The following CALN1 variants were observed in gnomAD, a reference collection of about 807,000 sequenced individuals.
The protein encoded by CALN1 is calcium-binding protein 8.
A neutral mutation model predicts 30.6 loss-of-function variants in CALN1; 17 were observed. That is an observed-to-expected ratio of 0.56 (90% CI 0.38 to 0.83). The LOEUF (loss-of-function observed/expected upper bound fraction) is 0.83. Ranked by LOEUF, CALN1 falls within the 40% of genes least tolerant of loss-of-function variation. The pLI is 0.00. For synonymous variants in CALN1, 156 were observed against 131.4 expected (o/e 1.19, Z -1.28); for missense variants, 291 against 354.9 (o/e 0.82, Z 1.45).
At chr7:72,392,465 T>A (rs1361961806) in intron 2 of CALN1, among the ~76,000 whole-genome samples, 1 of 152,254 alleles carries the variant, frequency 6.6e-6, no homozygotes, top group East Asian at 1.9e-4. Context: ...ACGGTGCTGA[T>A]GGGAGAGACT....
At chr7:72,280,771 G>A (rs1382621515) in intron 2 of CALN1, among the ~76,000 whole-genome samples, 1 of 152,158 alleles carries the variant, frequency 6.6e-6, no homozygotes, top group Non-Finnish European at 1.5e-5. Context: ...CCTTTAAGAG[G>A]TGATTAGGTC....
At chr7:72,255,365 G>GTTATAA (rs1554339372) in intron 3 of CALN1, among the ~76,000 whole-genome samples, 5 of 151,292 alleles carry the variant, frequency 3.3e-5, no homozygotes, top group African/African-American at 4.9e-5. Context: ...TGGGATTATA[G>GTTATAA]GGGTGAGCCA....
chr7:72,280,815 T>C (rs1006428424), intron 2 of CALN1, among the ~76,000 whole-genome samples: 3 of 152,180 alleles, frequency 2.0e-5, no homozygotes, highest in African/African-American at 4.8e-5. Context: ...ATTGCAGGCA[T>C]AGGTTACCTA....
intron 1 of CALN1, among the ~76,000 whole-genome samples, chr7:72,437,254 A>G (rs988106919): frequency 1.3e-5 from 2 of 152,110 alleles, no homozygotes; most frequent in Admixed American, 6.5e-5. Context: ...CTTGCCAGGA[A>G]ATCATGGGCC....
At chr7:72,483,840 T>C in the CALN1 span, among the ~76,000 whole-genome samples, 3 of 152,190 alleles carry the variant, frequency 2.0e-5, no homozygotes, top group African/African-American at 4.8e-5. Context: ...TCAAGTTCAC[T>C]AATCTTTTAT....
intron 1 of CALN1, among the ~76,000 whole-genome samples, chr7:72,440,213 T>A (rs1808306293): frequency 6.6e-6 from 1 of 152,188 alleles, no homozygotes; most frequent in Admixed American, 6.5e-5. Flanking sequence ...GCAGACCATG[T>A]CCTATTTCTT....
chr7:72,408,463 G>A (rs79936405), intron 1 of CALN1, among the ~76,000 whole-genome samples: 20 of 151,768 alleles, frequency 1.3e-4, no homozygotes, highest in African/African-American at 4.6e-4. Context: ...CACACACACA[G>A]AGATAATAAA....
intron 2 of CALN1, among the ~76,000 whole-genome samples, chr7:72,322,911 T>C (rs951095779): frequency 1.3e-5 from 2 of 151,618 alleles, no homozygotes; most frequent in Admixed American, 6.6e-5. Context: ...AAATATCTCA[T>C]GTACCCTATA....
intron 3 of CALN1, among the ~76,000 whole-genome samples, chr7:72,262,797 C>T (rs1033285151): frequency 6.6e-6 from 1 of 152,194 alleles, no homozygotes; most frequent in African/African-American, 2.4e-5. Flanking sequence ...TTATTGGTTC[C>T]TCTTCCCTCT....
chr7:72,451,363 GA>G (rs1234679915), upstream of CALN1, among the ~76,000 whole-genome samples: 1 of 123,412 alleles, frequency 8.1e-6, no homozygotes, highest in Non-Finnish European at 1.6e-5. Context: ...AGAAAAAGTA[GA>G]AAAAATAAGA....
At chr7:72,467,244 AGCT>A in the CALN1 span, among the ~76,000 whole-genome samples, 1 of 152,126 alleles carries the variant, frequency 6.6e-6, no homozygotes, top group Admixed American at 6.6e-5. Context: ...CTTTCCCTGG[AGCT>A]GCCAAAGAGG....
chr7:72,180,525 T>C (rs1789690185), intron 3 of CALN1, among the ~76,000 whole-genome samples: 1 of 132,084 alleles, frequency 7.6e-6, no homozygotes, highest in Admixed American at 7.6e-5. Context: ...GAAGGTGTCC[T>C]TTTTTTTTTT....
chr7:72,120,936 T>G (rs1412651129), intron 3 of CALN1, among the ~76,000 whole-genome samples: 2 of 151,722 alleles, frequency 1.3e-5, no homozygotes, highest in Non-Finnish European at 2.9e-5. Context: ...CAGGACTCAG[T>G]GAGGGGAAAA....
Position 72,401,371 on chromosome 7 carries a change from G to A in CALN1, c.119+1880C>T, listed in dbSNP as rs147067499. Among the ~76,000 whole-genome samples, 120 of 152,056 alleles carry A rather than the reference G, an allele frequency of 7.9e-4. No homozygotes were observed. In the East Asian group the frequency reaches 0.015, roughly 19 times the overall value. ...AGATCTCCCTCCTCTGGCCCCACCC[G>A]ATCCCCTGCTTTTTGGCTTTCTCTC... is the stretch of plus-strand genomic sequence containing the variant. On this transcript the variant is annotated intron_variant, in intron 2 of 6. Coordinates refer to ENST00000395275, the MANE Select transcript of CALN1 (RefSeq NM_031468.4).
intron 1 of CALN1, among the ~76,000 whole-genome samples, chr7:72,440,857 A>C (rs1381013588): frequency 6.6e-6 from 1 of 152,188 alleles, no homozygotes; most frequent in African/African-American, 2.4e-5. Context: ...ATACCATAGA[A>C]TCTTATGACC....
intron 5 of CALN1, among the ~76,000 whole-genome samples, chr7:71,829,226 G>A (rs1789115618): frequency 2.0e-5 from 3 of 152,160 alleles, no homozygotes; most frequent in African/African-American, 4.8e-5. Context: ...AACCCTAAAT[G>A]TAATCATGTA....
chr7:72,414,195 T>C (rs1807350654), upstream of CALN1, among the ~76,000 whole-genome samples: 1 of 152,088 alleles, frequency 6.6e-6, no homozygotes, highest in Admixed American at 6.5e-5. Context: ...AAGAGACCCA[T>C]GCTGGAGCCA....
chr7:71,850,497 C>T (rs1490668902), intron 5 of CALN1, among the ~76,000 whole-genome samples: 4 of 152,188 alleles, frequency 2.6e-5, no homozygotes, highest in Admixed American at 6.5e-5. Context: ...GGATTACAGG[C>T]GTGGGCCACT....
chr7:72,358,443 C>A (rs897550479), intron 2 of CALN1, among the ~76,000 whole-genome samples: 1 of 150,206 alleles, frequency 6.7e-6, no homozygotes, highest in Non-Finnish European at 1.5e-5. Flanking sequence ...CCTCAGCTCT[C>A]CCTTCCCGCA....
Sources: allele counts gnomAD v4.1 joint callset (sites outside exome capture counted in the v4.1 genomes callset), GRCh38; gene constraint gnomAD v4.1.1; transcripts MANE v1.5; gene names NCBI Gene and HGNC (gene_info 2026-07-23, HGNC 2026-07-21).